Variants in RGL1 observed in about 807,000 individuals in gnomAD.
RGL1 encodes the protein ral guanine nucleotide dissociation stimulator like 1.
RGL1 carries 24 observed loss-of-function variants against 95.2 expected under a neutral mutation model. The observed-to-expected ratio is 0.25, with a 90% confidence interval of 0.18 to 0.35. The LOEUF (loss-of-function observed/expected upper bound fraction) is 0.35, where lower values mean the gene tolerates loss of function less well. Ranked by LOEUF, RGL1 falls within the 10% of genes least tolerant of loss-of-function variation. The pLI is 1.00. For missense variants in RGL1, 715 were observed against 936.3 expected (o/e 0.76, Z 3.08); for synonymous variants, 329 against 344.9 (o/e 0.95, Z 0.51).
At chr1:183,738,202 C>G (rs1212103897) in intron 1 of RGL1, among the ~76,000 whole-genome samples, 1 of 151,964 alleles carries the variant, frequency 6.6e-6, no homozygotes, top group Non-Finnish European at 1.5e-5. Context: ...GGCAGATCAC[C>G]TGAGGTCAGG....
At chr1:183,915,070 G>A (rs1040498267) in intron 15 of RGL1, among the ~76,000 whole-genome samples, 1 of 152,098 alleles carries the variant, frequency 6.6e-6, no homozygotes, top group Non-Finnish European at 1.5e-5. Context: ...CTACCCATGA[G>A]AATTGTCACA....
In RGL1 at chr1:183,823,890, G is replaced by A. The variant is rs149955351; in HGVS notation, c.138+17405G>A. On this transcript the variant is annotated intron_variant, in intron 2 of 17. Transcript: ENST00000360851. ...CAGCCTCAAACTTCTGGGCTCAAGA[G>A]ATCCTCCTGTCTCAGCCTCCTGGAT... Among the ~76,000 whole-genome samples the A allele has an allele frequency of 2.6e-5, 4 of 152,222 alleles. No homozygotes were observed. In the East Asian group the frequency reaches 7.7e-4, roughly 29 times the overall value.
At chr1:183,665,391 C>T (rs935767259) in intron 1 of RGL1, among the ~76,000 whole-genome samples, 3 of 152,146 alleles carry the variant, frequency 2.0e-5, no homozygotes, top group Non-Finnish European at 4.4e-5. Context: ...TAGAGTAATG[C>T]TGGTCTCATA....
chr1:183,922,087 C>G, intron 16 of RGL1, 135 bp from the exon 17 acceptor site: 7 of 703,198 alleles, frequency 1.0e-5, no homozygotes, highest in Non-Finnish European at 1.7e-5. Flanking sequence ...GGCTCTTGGT[C>G]CAGTTCCAAT....
At chr1:183,664,555 C>CT (rs1651898873) in intron 1 of RGL1, among the ~76,000 whole-genome samples, 1 of 146,944 alleles carries the variant, frequency 6.8e-6, no homozygotes. Context: ...CACTCTAACT[C>CT]TAACTCCAGA....
chr1:183,845,615 T>C (rs888027808), intron 2 of RGL1, among the ~76,000 whole-genome samples: 4 of 152,136 alleles, frequency 2.6e-5, no homozygotes, highest in Non-Finnish European at 5.9e-5. Flanking sequence ...TTTTCATCAC[T>C]CCCCAGAGCT....
At chr1:183,683,441 T>C (rs1653357256) in intron 1 of RGL1, among the ~76,000 whole-genome samples, 1 of 152,248 alleles carries the variant, frequency 6.6e-6, no homozygotes, top group Non-Finnish European at 1.5e-5. Flanking sequence ...TTTGGCTGGA[T>C]ATGAAATTCT....
intron 2 of RGL1, among the ~76,000 whole-genome samples, chr1:183,828,228 A>T (rs1161874418): frequency 6.6e-6 from 1 of 152,248 alleles, no homozygotes; most frequent in East Asian, 1.9e-4. Context: ...TCACATAGTC[A>T]CATGACCTTT....
In RGL1 at chr1:183,900,241, G is replaced by A; in HGVS notation, c.1317+5G>A. Reference sequence around the variant, plus strand: ...GCCCTTCAGGACTACATCGAGGTGAGTTCCATGTGGGTGGTGTGATCGGGC... The same window carrying A: ...GCCCTTCAGGACTACATCGAGGTGAATTCCATGTGGGTGGTGTGATCGGGC... On this transcript the variant is annotated splice_donor_5th_base_variant and intron_variant, in intron 11 of 17. Transcript: ENST00000360851. The A allele has an allele frequency of 6.2e-7, 1 of 1,612,462 alleles. No homozygotes were observed. The highest frequency in any genetic ancestry group is 8.5e-7 in the Non-Finnish European group (1 of 1,178,504).
intron 1 of RGL1, among the ~76,000 whole-genome samples, chr1:183,730,499 T>C (rs1356182206): frequency 6.6e-6 from 1 of 152,150 alleles, no homozygotes; most frequent in Non-Finnish European, 1.5e-5. Flanking sequence ...GACTCTTATA[T>C]TTAAAATTGA....
At chr1:183,658,304 T>C (rs940539522) in intron 1 of RGL1, among the ~76,000 whole-genome samples, 3 of 152,128 alleles carry the variant, frequency 2.0e-5, no homozygotes, top group African/African-American at 7.2e-5. Flanking sequence ...CCTTTCCTAG[T>C]CAAAGAAAGG....
At chr1:183,699,098 T>G (rs1654432127) in intron 1 of RGL1, among the ~76,000 whole-genome samples, 1 of 152,258 alleles carries the variant, frequency 6.6e-6, no homozygotes, top group Non-Finnish European at 1.5e-5. Context: ...TGAGCTGTGA[T>G]ATCTGACAAT....
intron 14 of RGL1, 58 bp downstream of exon 14, chr1:183,907,159 G>A (rs1265307904): frequency 1.3e-5 from 13 of 963,630 alleles, no homozygotes; most frequent in South Asian, 6.8e-5. Context: ...GTCGTGAGAG[G>A]AGATGTATTC....
At chr1:183,698,546 C>T (rs1407564120) in intron 1 of RGL1, among the ~76,000 whole-genome samples, 3 of 152,228 alleles carry the variant, frequency 2.0e-5, no homozygotes, top group Non-Finnish European at 2.9e-5. Context: ...AATATTTGCA[C>T]CAGTGCCTTG....
At chr1:183,879,809 G>A (rs527673140) in intron 4 of RGL1, among the ~76,000 whole-genome samples, 19 of 152,314 alleles carry the variant, frequency 1.2e-4, no homozygotes, top group African/African-American at 4.1e-4. Context: ...AGCCTTCAGT[G>A]AGTGGGTGCC....
intron 1 of RGL1, among the ~76,000 whole-genome samples, chr1:183,671,349 C>T (rs1652439568): frequency 6.6e-6 from 1 of 152,184 alleles, no homozygotes; most frequent in African/African-American, 2.4e-5. Context: ...TGCATGTATA[C>T]CCAATAGTGG....
In RGL1 at chr1:183,677,566, C is replaced by T. The variant is rs1007578721; in HGVS notation, c.-33+41065C>T. Among the ~76,000 whole-genome samples the T allele has an allele frequency of 8.5e-5, 13 of 152,170 alleles. 1 individual carries two copies. The highest frequency in any genetic ancestry group is 1.5e-5 in the Non-Finnish European group (1 of 68,022). On this transcript the variant is annotated intron_variant, in intron 1 of 18. Coordinates refer to the RGL1 transcript ENST00000304685. ...CCTTTTTCCTAGGGAGCTGACATCCCTTAAAGGTTGCTTTATGTCTTAATC... is the reference window on the plus strand; with the variant it reads ...CCTTTTTCCTAGGGAGCTGACATCCTTTAAAGGTTGCTTTATGTCTTAATC...
At chr1:183,727,737 T>C (rs1432011923) in intron 1 of RGL1, among the ~76,000 whole-genome samples, 1 of 152,208 alleles carries the variant, frequency 6.6e-6, no homozygotes, top group Non-Finnish European at 1.5e-5. Flanking sequence ...CTAGTAGAAC[T>C]AATAAGTGAT....
intron 1 of RGL1, among the ~76,000 whole-genome samples, chr1:183,645,282 A>G (rs1409791044): frequency 6.6e-6 from 1 of 152,182 alleles, no homozygotes; most frequent in Non-Finnish European, 1.5e-5. Context: ...GAGGTTTGTT[A>G]ATCCAAACCT....
Sources: allele counts gnomAD v4.1 joint callset (sites outside exome capture counted in the v4.1 genomes callset), GRCh38; gene constraint gnomAD v4.1.1; transcripts MANE v1.5; gene names NCBI Gene and HGNC (gene_info 2026-07-23, HGNC 2026-07-21).